The following CACNA2D3 variants were observed in gnomAD, a reference collection of about 807,000 sequenced individuals.
The protein encoded by CACNA2D3 is calcium voltage-gated channel auxiliary subunit alpha2delta 3, also known as voltage-dependent calcium channel subunit alpha-2/delta-3.
Under a neutral mutation model 160.6 loss-of-function variants are expected in CACNA2D3, and 60 were observed. That is an observed-to-expected ratio of 0.37 (90% CI 0.30 to 0.46). The LOEUF (loss-of-function observed/expected upper bound fraction) is 0.46. CACNA2D3 is among the 20% of genes least tolerant of loss of function. The pLI is 1.00. For missense variants in CACNA2D3, 1,205 were observed against 1,365.0 expected (o/e 0.88, Z 1.85); for synonymous variants, 558 against 492.9 (o/e 1.13, Z -1.75).
intron 2 of CACNA2D3, among the ~76,000 whole-genome samples, chr3:54,254,905 GA>G (rs1702265727): frequency 6.6e-6 from 1 of 152,166 alleles, no homozygotes; most frequent in Non-Finnish European, 1.5e-5. Context: ...GCATTAATAG[GA>G]CATCTTCCTG....
At chr3:54,929,659 A>G (rs1382548666) in intron 27 of CACNA2D3, among the ~76,000 whole-genome samples, 1 of 152,130 alleles carries the variant, frequency 6.6e-6, no homozygotes, top group Admixed American at 6.5e-5. Flanking sequence ...CACACATACA[A>G]TGGGCAAAAG....
chr3:54,321,587 C>G (rs1703996175), intron 3 of CACNA2D3, among the ~76,000 whole-genome samples: 1 of 152,164 alleles, frequency 6.6e-6, no homozygotes, highest in South Asian at 2.1e-4. Context: ...CCTTGTAACA[C>G]CTCCGTGGTG....
At chr3:55,058,596 G>A (rs1704423686) in intron 35 of CACNA2D3, among the ~76,000 whole-genome samples, 1 of 151,890 alleles carries the variant, frequency 6.6e-6, no homozygotes, top group African/African-American at 2.4e-5. Context: ...ACTGATCACT[G>A]AGATTTAGTT....
chr3:54,623,925 CAA>C lies in CACNA2D3; in HGVS notation c.964-3861_964-3860del, dbSNP rs1378856243. Among the ~76,000 whole-genome samples the C allele has an allele frequency of 3.3e-5, 5 of 151,978 alleles. 1 individual carries two copies. Among genetic ancestry groups the C allele is most frequent in the African/African-American group, 2.4e-5 (1 of 41,342 alleles). On this transcript the variant is annotated intron_variant, in intron 9 of 37. Transcript: ENST00000474759. ...TCATGGGAGGTAGTTCCCTGGGAGA[CAA>C]GAGCTGGTTTTGTGTAGGAGAGTTG...
chr3:54,917,620 G>T (rs912256344), intron 27 of CACNA2D3, among the ~76,000 whole-genome samples: 1 of 152,176 alleles, frequency 6.6e-6, no homozygotes, highest in Non-Finnish European at 1.5e-5. Flanking sequence ...TCATTATCTC[G>T]CTCTCAGCCC....
chr3:54,677,856 A>G (rs1700272621), intron 11 of CACNA2D3, among the ~76,000 whole-genome samples: 1 of 152,108 alleles, frequency 6.6e-6, no homozygotes, highest in South Asian at 2.1e-4. Flanking sequence ...TAGTCTTAAA[A>G]ATAGATACTC....
In CACNA2D3 at chr3:54,837,958, G is replaced by A. The variant is rs923099900; in HGVS notation, c.1471-610G>A. ...GTTCTGGGTGGACATGAACTTGGGG[G>A]GACACTGTTCAACTCACCATAAAGC... is the stretch of plus-strand genomic sequence containing the variant. On this transcript the variant is annotated intron_variant, in intron 15 of 37. Coordinates refer to ENST00000474759, the MANE Select transcript of CACNA2D3 (RefSeq NM_018398.3). Among the ~76,000 whole-genome samples, 9 of 151,938 alleles carry A rather than the reference G, an allele frequency of 5.9e-5. No individual in the cohort carries two copies. In the East Asian group the frequency reaches 1.5e-3, roughly 26 times the overall value.
chr3:54,182,849 A>G (rs1213354436), intron 2 of CACNA2D3, among the ~76,000 whole-genome samples: 1 of 152,310 alleles, frequency 6.6e-6, no homozygotes, highest in East Asian at 1.9e-4. Flanking sequence ...TGAAAATAAC[A>G]ATCAGAGTCA....
chr3:54,562,626 C>T (rs959207161), intron 5 of CACNA2D3, among the ~76,000 whole-genome samples, 174 bp from the exon 6 acceptor site: 2 of 152,168 alleles, frequency 1.3e-5, no homozygotes, highest in Non-Finnish European at 2.9e-5. Context: ...GGAGGGGAAT[C>T]CCCAGCATCT....
intron 11 of CACNA2D3, among the ~76,000 whole-genome samples, chr3:54,690,377 A>G (rs975854257): frequency 2.0e-5 from 3 of 152,204 alleles, no homozygotes; most frequent in African/African-American, 7.2e-5. Context: ...CCTCTCCAAT[A>G]GACCGTTTGC....
At chr3:54,334,518 C>T (rs9878088) in intron 3 of CACNA2D3, among the ~76,000 whole-genome samples, 31,819 of 152,076 alleles carry the variant, frequency 0.21, 3,612 homozygotes, top group Middle Eastern at 0.28. Context: ...AGCCATTATC[C>T]ACTGACAGTG....
chr3:54,211,434 A>C (rs569314761), intron 2 of CACNA2D3, among the ~76,000 whole-genome samples: 1 of 152,232 alleles, frequency 6.6e-6, no homozygotes, highest in South Asian at 2.1e-4. Flanking sequence ...GGGCACTTTT[A>C]TTTTAGGATA....
rs1458096061 is a variant in CACNA2D3 at position 54,760,975 on chromosome 3, G to A, written c.1247-3243G>A. ...CGCTCTGGAGAGAAGTCAGCTTTCT[G>A]TAATCTTTCAGAACCTTGGCTATGA... On this transcript the variant is annotated intron_variant, in intron 12 of 37. Coordinates refer to ENST00000474759, the MANE Select transcript of CACNA2D3 (RefSeq NM_018398.3). Among the ~76,000 whole-genome samples, 4 of 152,092 alleles carry A rather than the reference G, an allele frequency of 2.6e-5. No individual in the cohort carries two copies. In the East Asian group the frequency reaches 7.7e-4, roughly 29 times the overall value.
chr3:54,146,120 C>T (rs1175476136), intron 2 of CACNA2D3, among the ~76,000 whole-genome samples: 19 of 152,108 alleles, frequency 1.2e-4, no homozygotes, highest in Admixed American at 1.2e-3. Flanking sequence ...ATGGGGCAGC[C>T]CTCTTCCCTG....
intron 16 of CACNA2D3, among the ~76,000 whole-genome samples, chr3:54,843,581 G>T (rs922895026): frequency 1.3e-5 from 2 of 152,244 alleles, no homozygotes; most frequent in African/African-American, 4.8e-5. Flanking sequence ...CAGGCCTATG[G>T]CTCTGTCTTA....
At chr3:54,882,033 ACCC>A (rs1699810156) in intron 21 of CACNA2D3, among the ~76,000 whole-genome samples, 1 of 152,212 alleles carries the variant, frequency 6.6e-6, no homozygotes, top group Non-Finnish European at 1.5e-5. Flanking sequence ...GCTGGGCACA[ACCC>A]AGAGTGTGCC....
intron 27 of CACNA2D3, among the ~76,000 whole-genome samples, chr3:54,962,400 C>G (rs955814272): frequency 2.4e-4 from 37 of 152,114 alleles, no homozygotes; most frequent in African/African-American, 8.4e-4. Flanking sequence ...TGCTCACTCT[C>G]AACATAATTG....
rs577930575 is a variant in CACNA2D3, at chr3:54,924,968, G to T, written c.2449+25100G>T. The T allele has an allele frequency of 5.9e-5, 95 of 1,611,160 alleles. 3 individuals carry two copies. The South Asian group carries it at 1.0e-3, about 18-fold the overall frequency. On this transcript the variant is annotated intron_variant, in intron 27 of 37. Coordinates refer to ENST00000474759, the MANE Select transcript of CACNA2D3 (RefSeq NM_018398.3). ...AAGCTCCAGGGGCCAGATTTGAAAG[G>T]GAATTGTTGGACAAGTTTAAGGTCA...
chr3:54,555,953 A>C (rs528215260), intron 5 of CACNA2D3, among the ~76,000 whole-genome samples: 9 of 152,348 alleles, frequency 5.9e-5, no homozygotes, highest in Middle Eastern at 3.4e-3. Context: ...GCTTAGGAAA[A>C]TATAACATGA....
Sources: allele counts gnomAD v4.1 joint callset (sites outside exome capture counted in the v4.1 genomes callset), GRCh38; gene constraint gnomAD v4.1.1; transcripts MANE v1.5; gene names NCBI Gene and HGNC (gene_info 2026-07-23, HGNC 2026-07-21).